ARB2A: variants seen among roughly 807,000 people sequenced by gnomAD.
ARB2A encodes ARB2 cotranscriptional regulator A.
chr5:94,085,615 T>A, the ARB2A span, among the ~76,000 whole-genome samples: 1 of 152,184 alleles, frequency 6.6e-6, no homozygotes, highest in African/African-American at 2.4e-5. Context: ...GACATCCTAC[T>A]GGCAGAAGGC....
chr5:93,861,107 C>T, the ARB2A span: 1 of 152,120 alleles, frequency 6.6e-6, no homozygotes, highest in East Asian at 1.9e-4. Flanking sequence ...TGAAAACCAA[C>T]ATATTCTTTT....
chr5:93,790,441 G>A, the ARB2A span, among the ~76,000 whole-genome samples: 1 of 152,046 alleles, frequency 6.6e-6, no homozygotes, highest in Non-Finnish European at 1.5e-5. Context: ...ATGTACGAAG[G>A]GCTGCTTTTT....
At chr5:93,857,868 T>TATTTCTTCTGCAC in the ARB2A span, among the ~76,000 whole-genome samples, 18 of 152,218 alleles carry the variant, frequency 1.2e-4, no homozygotes, top group East Asian at 3.5e-3. Flanking sequence ...AAATCACCTG[T>TATTTCTTCTGCAC]CTTCTGCGTC....
At chr5:93,687,386 T>A in the ARB2A span, among the ~76,000 whole-genome samples, 4 of 152,210 alleles carry the variant, frequency 2.6e-5, no homozygotes, top group Non-Finnish European at 5.9e-5. Flanking sequence ...TTTTGAAATT[T>A]ATTTTACAGA....
the ARB2A span, among the ~76,000 whole-genome samples, chr5:93,768,935 G>C: frequency 6.6e-6 from 1 of 151,460 alleles, no homozygotes; most frequent in Non-Finnish European, 1.5e-5. Context: ...ACCAGTGTGA[G>C]ACCATGTCTC....
the ARB2A span, among the ~76,000 whole-genome samples, chr5:94,101,759 A>G: frequency 6.6e-6 from 1 of 152,098 alleles, no homozygotes; most frequent in Non-Finnish European, 1.5e-5. Flanking sequence ...CATGAACATA[A>G]AGAAAGGAAC....
chr5:94,055,819 C>G, the ARB2A span: 2 of 985,414 alleles, frequency 2.0e-6, no homozygotes, highest in Non-Finnish European at 2.4e-6. Flanking sequence ...TCAAAACTTA[C>G]AAACCTTTTA....
chr5:93,946,344 G>A, the ARB2A span, among the ~76,000 whole-genome samples: 1 of 151,886 alleles, frequency 6.6e-6, no homozygotes, highest in Non-Finnish European at 1.5e-5. Context: ...GTACTCCAGA[G>A]GAAGAACATG....
chr5:93,879,144 A>C, the ARB2A span, among the ~76,000 whole-genome samples: 1 of 152,082 alleles, frequency 6.6e-6, no homozygotes, highest in African/African-American at 2.4e-5. Flanking sequence ...AGTAGAGAGA[A>C]GAAGAGCACT....
the ARB2A span, among the ~76,000 whole-genome samples, chr5:93,694,019 A>T: frequency 9.2e-5 from 14 of 152,342 alleles, no homozygotes; most frequent in East Asian, 9.6e-4. Flanking sequence ...CTCTAAAAAA[A>T]TTAGGCACTG....
chr5:93,952,872 T>C, the ARB2A span, among the ~76,000 whole-genome samples: 4 of 152,184 alleles, frequency 2.6e-5, no homozygotes, highest in Non-Finnish European at 4.4e-5. Context: ...TTTTGTCTCT[T>C]ATAAATAGCT....
the ARB2A span, among the ~76,000 whole-genome samples, chr5:93,765,734 A>C: frequency 6.6e-6 from 1 of 152,336 alleles, no homozygotes; most frequent in Non-Finnish European, 1.5e-5. Flanking sequence ...TGCCAAGTCA[A>C]TCCTACGCCA....
the ARB2A span, among the ~76,000 whole-genome samples, chr5:93,716,629 A>C: frequency 6.7e-6 from 1 of 149,062 alleles, no homozygotes; most frequent in Non-Finnish European, 1.5e-5. Context: ...GTACTTAACA[A>C]ATTCACATGT....
At chr5:93,679,348 T>C in the ARB2A span, among the ~76,000 whole-genome samples, 1 of 152,070 alleles carries the variant, frequency 6.6e-6, no homozygotes, top group Non-Finnish European at 1.5e-5. Flanking sequence ...AAATTACACA[T>C]AATTTTAAAT....
At chr5:93,928,993 CA>C in the ARB2A span, among the ~76,000 whole-genome samples, 102 of 140,308 alleles carry the variant, frequency 7.3e-4, no homozygotes, top group South Asian at 4.1e-3. Context: ...TTAAAGTCTA[CA>C]AAAAAAAAAG....
At chr5:93,732,966 T>C in the ARB2A span, among the ~76,000 whole-genome samples, 1 of 152,134 alleles carries the variant, frequency 6.6e-6, no homozygotes, top group Non-Finnish European at 1.5e-5. Flanking sequence ...AAAAATGGTA[T>C]AAAGTTTAAT....
the ARB2A span, among the ~76,000 whole-genome samples, chr5:93,794,056 C>T: frequency 6.6e-6 from 1 of 152,132 alleles, no homozygotes; most frequent in South Asian, 2.1e-4. Context: ...ATTGAAGGTG[C>T]AACTGAGTAG....
the ARB2A span, among the ~76,000 whole-genome samples, chr5:93,824,488 T>TA: frequency 1.4e-4 from 21 of 151,782 alleles, no homozygotes; most frequent in East Asian, 5.8e-4. Flanking sequence ...AGATAAAAAT[T>TA]AAAAAAAACA....
chr5:94,056,375 C>T, the ARB2A span, among the ~76,000 whole-genome samples: 3 of 151,998 alleles, frequency 2.0e-5, no homozygotes, highest in African/African-American at 4.8e-5. Context: ...AGAAGACATA[C>T]AGAAAGGAAC....
Sources: allele counts gnomAD v4.1 joint callset (sites outside exome capture counted in the v4.1 genomes callset), GRCh38; gene constraint gnomAD v4.1.1; transcripts MANE v1.5; gene names NCBI Gene and HGNC (gene_info 2026-07-23, HGNC 2026-07-21).